The following DPP6 variants were observed in gnomAD, a reference collection of about 807,000 sequenced individuals.
The protein encoded by DPP6 is A-type potassium channel modulatory protein DPP6.
A neutral mutation model predicts 122.6 loss-of-function variants in DPP6; 69 were observed. The observed-to-expected ratio is 0.56, with a 90% CI of 0.46 to 0.69. The LOEUF is 0.69. Ranked by LOEUF, DPP6 falls within the 30% of genes least tolerant of loss-of-function variation. The pLI is 0.00. For synonymous variants in DPP6, 418 were observed against 433.1 expected, an observed-to-expected ratio of 0.97 and a Z score of 0.43; for missense variants, 928 against 1,116.9, an observed-to-expected ratio of 0.83 and a Z score of 2.41.
At chr7:154,592,712 G>A (rs938740786) in intron 5 of DPP6, among the ~76,000 whole-genome samples, 6 of 152,138 alleles carry the variant, frequency 3.9e-5, no homozygotes, top group African/African-American at 9.7e-5. Flanking sequence ...CAGGGTGGAG[G>A]GACAGGGAGC....
At chr7:154,774,966 T>C (rs1309370842) in intron 10 of DPP6, among the ~76,000 whole-genome samples, 1 of 152,230 alleles carries the variant, frequency 6.6e-6, no homozygotes, top group Non-Finnish European at 1.5e-5. Flanking sequence ...TCCATGCTAC[T>C]GACATTTGGG....
At chr7:154,805,074 C>T in intron 15 of DPP6, 110 bp downstream of exon 15, 1 of 1,414,038 alleles carries the variant, frequency 7.1e-7, no homozygotes, top group Non-Finnish European at 9.6e-7. Context: ...AAAGACAGAC[C>T]CCACCACAGA....
intron 1 of DPP6, among the ~76,000 whole-genome samples, chr7:154,133,028 C>G (rs1429586464): frequency 6.6e-6 from 1 of 151,812 alleles, no homozygotes; most frequent in Admixed American, 6.6e-5. Context: ...TATCGTTGTC[C>G]GTTGGATTCA....
intron 10 of DPP6, among the ~76,000 whole-genome samples, chr7:154,785,200 AAAAAT>A (rs1473649200): frequency 6.6e-6 from 1 of 152,158 alleles, no homozygotes. Flanking sequence ...ATTAGTGCTT[AAAAAT>A]AAAATAATAT....
At chr7:153,924,916 T>C (rs1800819646) in intron 1 of DPP6, among the ~76,000 whole-genome samples, 1 of 152,216 alleles carries the variant, frequency 6.6e-6, no homozygotes, top group African/African-American at 2.4e-5. Flanking sequence ...GTAAGCTTGT[T>C]GCGCAGCAGT....
At chr7:153,858,707 C>T in the DPP6 span, among the ~76,000 whole-genome samples, 1 of 152,270 alleles carries the variant, frequency 6.6e-6, no homozygotes, top group East Asian at 1.9e-4. Flanking sequence ...CTTCACAGAC[C>T]TTTTTTTCCC....
chr7:154,885,056 G>A (rs1462836312), intron 21 of DPP6: 1 of 152,824 alleles, frequency 6.5e-6, no homozygotes, highest in Non-Finnish European at 1.5e-5. Context: ...CAGGCAAGGA[G>A]GTAGGGCTTT....
At chr7:154,623,822 A>G (rs1054593826) in intron 5 of DPP6, among the ~76,000 whole-genome samples, 7 of 152,398 alleles carry the variant, frequency 4.6e-5, no homozygotes, top group African/African-American at 1.7e-4. Flanking sequence ...TTTAATTGAT[A>G]TAAATACACA....
intron 10 of DPP6, among the ~76,000 whole-genome samples, chr7:154,791,663 C>T (rs1360443025): frequency 6.6e-6 from 1 of 152,202 alleles, no homozygotes; most frequent in African/African-American, 2.4e-5. Context: ...AAATAACAAA[C>T]CACACCAGAG....
Position 154,290,346 on chromosome 7 carries a change from T to C in DPP6, c.244-155868T>C, listed in dbSNP as rs1805123562. Among the ~76,000 whole-genome samples the C allele has an allele frequency of 2.6e-5, 4 of 152,320 alleles. No individual in the cohort carries two copies. In the East Asian group the frequency reaches 7.7e-4, roughly 29 times the overall value. On this transcript the variant is annotated intron_variant, in intron 1 of 25. Transcript: ENST00000377770. ...TTCTTGGACCATTCCAAAAATGTCC[T>C]AAACTGGTATCTCGGCCCCAGTCCA... is the stretch of plus-strand genomic sequence containing the variant.
the DPP6 span, among the ~76,000 whole-genome samples, chr7:153,798,088 C>T: frequency 1.4e-4 from 22 of 152,172 alleles, no homozygotes; most frequent in African/African-American, 2.6e-4. Context: ...CTGATCCGCC[C>T]GCCTCGGCCT....
At chr7:154,566,155 G>A (rs1477670636) in intron 4 of DPP6, among the ~76,000 whole-genome samples, 1 of 152,178 alleles carries the variant, frequency 6.6e-6, no homozygotes, top group African/African-American at 2.4e-5. Flanking sequence ...TTCTATTCTA[G>A]TAACAACTCT....
At chr7:153,861,148 G>A in the DPP6 span, among the ~76,000 whole-genome samples, 4 of 151,992 alleles carry the variant, frequency 2.6e-5, no homozygotes, top group Admixed American at 2.6e-4. Context: ...AATTAATTTT[G>A]CATATTAGAA....
At chr7:154,356,613 T>C (rs2151089626) in intron 1 of DPP6, among the ~76,000 whole-genome samples, 3 of 152,262 alleles carry the variant, frequency 2.0e-5, no homozygotes, top group Middle Eastern at 6.8e-3. Flanking sequence ...TATATCAATC[T>C]TTTCAATAGT....
At chr7:154,501,895 C>T (rs963099059) in intron 3 of DPP6, among the ~76,000 whole-genome samples, 1 of 152,058 alleles carries the variant, frequency 6.6e-6, no homozygotes, top group African/African-American at 2.4e-5. Flanking sequence ...CACTCAAGGC[C>T]AGTCCATGAA....
At chr7:154,080,099 G>A (rs1803881443) in intron 1 of DPP6, among the ~76,000 whole-genome samples, 1 of 151,636 alleles carries the variant, frequency 6.6e-6, no homozygotes, top group African/African-American at 2.4e-5. Context: ...AGTGGAACAT[G>A]TTATGAAAAA....
At chr7:153,782,080 T>TAGA in the DPP6 span, among the ~76,000 whole-genome samples, 1 of 150,874 alleles carries the variant, frequency 6.6e-6, no homozygotes, top group Non-Finnish European at 1.5e-5. Flanking sequence ...CACCATGGTT[T>TAGA]TCTCTTCAAC....
chr7:153,897,959 G>A (rs183216194), intron 1 of DPP6, among the ~76,000 whole-genome samples: 1 of 152,330 alleles, frequency 6.6e-6, no homozygotes, highest in African/African-American at 2.4e-5. Context: ...TCCAAAAGCT[G>A]TGTGGATAAG....
chr7:154,860,330 C>T (rs551909276), intron 17 of DPP6, among the ~76,000 whole-genome samples: 173 of 152,306 alleles, frequency 1.1e-3, no homozygotes, highest in African/African-American at 3.7e-3. Context: ...GTCACTGTCA[C>T]GCTACACGCC....
Sources: gnomAD v4.1 joint callset for allele counts (sites outside exome capture counted in the v4.1 genomes callset) on GRCh38, gnomAD v4.1.1 for gene constraint, MANE v1.5 for transcripts, NCBI Gene and HGNC (gene_info 2026-07-23, HGNC 2026-07-21) for gene names.